The following DGKB variants were observed in gnomAD, a reference collection of about 807,000 sequenced individuals.
The protein encoded by DGKB is 90 kDa diacylglycerol kinase.
Under a neutral mutation model 114.3 loss-of-function variants are expected in DGKB, and 67 were observed. The ratio of observed to expected loss-of-function variants is 0.59; its 90% confidence interval spans 0.48 to 0.72. The LOEUF (loss-of-function observed/expected upper bound fraction) is 0.72, where lower values mean the gene tolerates loss of function less well. Among genes scored for constraint, DGKB ranks in the 30% least tolerant of loss-of-function variants. The probability of loss-of-function intolerance (pLI) is 0.00; values close to 1 mark genes in which losing one functional copy is unlikely to be tolerated. For synonymous variants in DGKB, 398 were observed against 323.1 expected (o/e 1.23, Z -2.49); for missense variants, 907 against 975.2 (o/e 0.93, Z 0.93).
intron 21 of DGKB, among the ~76,000 whole-genome samples, chr7:14,438,530 T>G (rs1340036596): frequency 6.6e-6 from 1 of 152,126 alleles, no homozygotes; most frequent in Non-Finnish European, 1.5e-5. Context: ...CCTATACAGT[T>G]AACACAATAA....
chr7:14,550,441 T>A, intron 20 of DGKB, among the ~76,000 whole-genome samples: 1 of 152,294 alleles, frequency 6.6e-6, no homozygotes, highest in Middle Eastern at 3.4e-3. Context: ...ACTCAACTAA[T>A]CTAAGTCATT....
At chr7:14,430,935 C>T (rs1828361549) in intron 21 of DGKB, among the ~76,000 whole-genome samples, 1 of 152,142 alleles carries the variant, frequency 6.6e-6, no homozygotes, top group Non-Finnish European at 1.5e-5. Flanking sequence ...TTCTATTCTG[C>T]ATAGACATAT....
At chr7:14,263,619 A>T (rs374668892) in intron 23 of DGKB, among the ~76,000 whole-genome samples, 6 of 152,190 alleles carry the variant, frequency 3.9e-5, no homozygotes, top group African/African-American at 1.4e-4. Flanking sequence ...GGCCACCTTC[A>T]GAAGAGCAAC....
intron 23 of DGKB, among the ~76,000 whole-genome samples, chr7:14,188,644 A>T (rs1280012821): frequency 9.0e-6 from 1 of 110,860 alleles, no homozygotes; most frequent in Non-Finnish European, 1.9e-5. Flanking sequence ...TGGGCGACAA[A>T]GCGAGACTCC....
intron 1 of DGKB, among the ~76,000 whole-genome samples, chr7:14,872,436 C>G (rs1189575276): frequency 6.6e-6 from 1 of 152,140 alleles, no homozygotes; most frequent in Non-Finnish European, 1.5e-5. Flanking sequence ...TTGTCAACAC[C>G]TGCTCTAGAA....
intron 4 of DGKB, among the ~76,000 whole-genome samples, chr7:14,742,101 C>G (rs568149491): frequency 2.0e-5 from 3 of 152,054 alleles, no homozygotes; most frequent in South Asian, 2.1e-4. Context: ...ATAATGTATT[C>G]CATTTTTGGA....
chr7:14,324,001 C>T (rs1808286981), intron 23 of DGKB, among the ~76,000 whole-genome samples: 1 of 152,106 alleles, frequency 6.6e-6, no homozygotes, highest in Non-Finnish European at 1.5e-5. Flanking sequence ...ATGTTTTGTC[C>T]ATCCTACACA....
chr7:14,593,204 G>C (rs1167022290), intron 17 of DGKB, among the ~76,000 whole-genome samples: 2 of 151,984 alleles, frequency 1.3e-5, no homozygotes, highest in African/African-American at 4.8e-5. Context: ...TGTGTTAAAA[G>C]TGAAGGAGAG....
At chr7:14,212,058 A>G (rs199639180) in intron 23 of DGKB, among the ~76,000 whole-genome samples, 511 of 14,882 alleles carry the variant, frequency 0.034, no homozygotes, top group Middle Eastern at 0.077. Context: ...ATTTACTCTC[A>G]TGTTTTGTGA....
At chr7:14,562,192 T>C (rs1036281266) in intron 20 of DGKB, among the ~76,000 whole-genome samples, 5 of 152,190 alleles carry the variant, frequency 3.3e-5, no homozygotes, top group South Asian at 4.1e-4. Context: ...TGCAGGTACA[T>C]AGAAGTCAAG....
At chr7:14,154,348 G>T (rs1424673912) in intron 25 of DGKB, among the ~76,000 whole-genome samples, 1 of 151,796 alleles carries the variant, frequency 6.6e-6, no homozygotes. Flanking sequence ...ATTTTTTATT[G>T]ATTTAAACAA....
intron 21 of DGKB, among the ~76,000 whole-genome samples, chr7:14,384,542 C>G (rs1820015215): frequency 6.6e-6 from 1 of 152,198 alleles, no homozygotes. Flanking sequence ...AAATACATGA[C>G]ACAATGAATT....
intron 23 of DGKB, among the ~76,000 whole-genome samples, chr7:14,240,979 T>G (rs1793553507): frequency 1.3e-5 from 2 of 152,114 alleles, no homozygotes; most frequent in African/African-American, 2.4e-5. Context: ...GACTTTAATA[T>G]CAAGTCAGCT....
At position 14,853,152 on chromosome 7, in the gene DGKB, C is replaced by T. The variant is rs75713182; in HGVS notation, c.-187-11702G>A. 9.2e-3 allele frequency among the ~76,000 whole-genome samples: 1,398 copies of T among 152,052 alleles called. 13 individuals carry two copies. The highest frequency in any genetic ancestry group is 0.024 in the Middle Eastern group (7 of 294). Reference sequence around the variant, plus strand: ...TAAGGAAAATCACTATTGAAGCACGCGAGGGACTTTTTTACCAAACGATAT... The same window carrying T: ...TAAGGAAAATCACTATTGAAGCACGTGAGGGACTTTTTTACCAAACGATAT... On this transcript the variant is annotated intron_variant, in intron 1 of 25. Transcript: ENST00000402815.
chr7:14,865,681 A>C (rs1488063013), intron 1 of DGKB, among the ~76,000 whole-genome samples: 1 of 152,166 alleles, frequency 6.6e-6, no homozygotes, highest in Admixed American at 6.6e-5. Context: ...ATACAGTGAG[A>C]ATGAGTAAAT....
At chr7:14,519,325 T>G (rs1789360133) in intron 20 of DGKB, among the ~76,000 whole-genome samples, 1 of 152,096 alleles carries the variant, frequency 6.6e-6, no homozygotes, top group South Asian at 2.1e-4. Context: ...TTCTGCTTTG[T>G]TTTACATAAA....
intron 10 of DGKB, among the ~76,000 whole-genome samples, chr7:14,683,909 C>G (rs949632669): frequency 6.6e-6 from 1 of 152,044 alleles, no homozygotes; most frequent in South Asian, 2.1e-4. Context: ...GAGCAAAATT[C>G]TCATTCCTCA....
At chr7:14,155,667 AG>A (rs1198587209) in intron 25 of DGKB, among the ~76,000 whole-genome samples, 1 of 152,058 alleles carries the variant, frequency 6.6e-6, no homozygotes, top group Non-Finnish European at 1.5e-5. Context: ...GAGATTGAGG[AG>A]GCAGAAGTAC....
chr7:14,854,787 T>C (rs567201415), intron 1 of DGKB, among the ~76,000 whole-genome samples: 2 of 152,182 alleles, frequency 1.3e-5, no homozygotes, highest in Non-Finnish European at 2.9e-5. Flanking sequence ...TATGATTTTC[T>C]TTTTAATCTA....
Sources: allele counts gnomAD v4.1 joint callset (sites outside exome capture counted in the v4.1 genomes callset), GRCh38; gene constraint gnomAD v4.1.1; transcripts MANE v1.5; gene names NCBI Gene and HGNC (gene_info 2026-07-23, HGNC 2026-07-21).